Variants in C2orf76 observed in about 807,000 individuals in gnomAD.
C2orf76 encodes chromosome 2 open reading frame 76.
C2orf76 carries 23 observed loss-of-function variants against 16.9 expected under a neutral mutation model. The ratio of observed to expected loss-of-function variants is 1.36; its 90% CI spans 0.98 to 1.93. C2orf76 has a LOEUF of 1.93. Ranked by LOEUF, C2orf76 falls within the 30% of genes most tolerant of loss-of-function variation. C2orf76 has a pLI of 0.00. For synonymous variants in C2orf76, 48 were observed against 52.3 expected, an observed-to-expected ratio of 0.92 and a Z score of 0.35; for missense variants, 152 against 152.6, an observed-to-expected ratio of 1.00 and a Z score of 0.02.
intron 5 of C2orf76, among the ~76,000 whole-genome samples, chr2:119,308,288 T>C (rs1383260778): frequency 1.3e-5 from 2 of 152,236 alleles, no homozygotes; most frequent in Non-Finnish European, 1.5e-5. Context: ...TTTTGGCGTA[T>C]GATCTTTTCT....
At chr2:119,285,706 T>C in the C2orf76 span, among the ~76,000 whole-genome samples, 1 of 152,240 alleles carries the variant, frequency 6.6e-6, no homozygotes, top group Non-Finnish European at 1.5e-5. Context: ...CTGAGTTACC[T>C]GGATATTATT....
intron 4 of C2orf76, among the ~76,000 whole-genome samples, chr2:119,312,554 G>A (rs1167515775): frequency 6.6e-6 from 1 of 152,092 alleles, no homozygotes; most frequent in Non-Finnish European, 1.5e-5. Flanking sequence ...CTGGCCACAA[G>A]TATACTTCAA....
At chr2:119,340,864 T>C (rs1188400032) in intron 1 of C2orf76, among the ~76,000 whole-genome samples, 1 of 152,036 alleles carries the variant, frequency 6.6e-6, no homozygotes, top group Admixed American at 6.6e-5. Context: ...CCAATGTTTT[T>C]TTCATGCTTA....
intron 2 of C2orf76, among the ~76,000 whole-genome samples, chr2:119,334,941 G>A (rs569596779): frequency 6.6e-6 from 1 of 152,168 alleles, no homozygotes; most frequent in Non-Finnish European, 1.5e-5. Flanking sequence ...TTCCCATGGG[G>A]ATACACTGCT....
chr2:119,301,918 TAAAA>T (rs34452099), downstream of C2orf76, among the ~76,000 whole-genome samples: 3 of 138,896 alleles, frequency 2.2e-5, no homozygotes, highest in Non-Finnish European at 4.7e-5. Flanking sequence ...TGCAATACTT[TAAAA>T]AAAAAAAAAA....
At chr2:119,364,605 A>G (rs1217022663) in intron 1 of C2orf76, among the ~76,000 whole-genome samples, 1 of 152,238 alleles carries the variant, frequency 6.6e-6, no homozygotes, top group Non-Finnish European at 1.5e-5. Flanking sequence ...CTGATACACA[A>G]TGACCCCATC....
chr2:119,292,453 T>C, the C2orf76 span, among the ~76,000 whole-genome samples: 4 of 152,156 alleles, frequency 2.6e-5, no homozygotes, highest in Admixed American at 1.3e-4. Context: ...AAAAGAACTG[T>C]CAGCCGCATG....
chr2:119,364,098 G>A (rs1408182096), intron 1 of C2orf76, among the ~76,000 whole-genome samples: 1 of 151,888 alleles, frequency 6.6e-6, no homozygotes, highest in Non-Finnish European at 1.5e-5. Context: ...GAGAGAGGTA[G>A]GGCAGAGAGA....
rs1286580823 is a variant in C2orf76 at position 119,366,801 on chromosome 2, G to C, written c.-24C>G. On this transcript the variant is annotated 5_prime_UTR_variant, in exon 1 of 6. Transcript: ENST00000334816. ...TCCGTTGTCCCCACCTGTTCCCGGC[G>C]TCCCCTTCGGCTACTCCCGGCGTTT... 5.2e-6 allele frequency: 3 copies of C among 575,482 alleles called. No individual in the cohort carries two copies. In the African/African-American group the frequency reaches 5.8e-5, roughly 11 times the overall value. 35.6% of individuals were successfully genotyped at this position (575,482 alleles called of 1,614,324 possible).
rs545727959 is a variant in C2orf76, at chr2:119,314,366, C to G, written c.223-2663G>C. On this transcript the variant is annotated intron_variant, in intron 4 of 5. Transcript: ENST00000334816. Reference sequence around the variant, plus strand: ...CATCTATGGGTTTAATTTTTTAATCCAAGGGGTATTTATTTTGGCATAAAG... The same window carrying G: ...CATCTATGGGTTTAATTTTTTAATCGAAGGGGTATTTATTTTGGCATAAAG... Among the ~76,000 whole-genome samples, 8 of 152,036 alleles carry G rather than the reference C, an allele frequency of 5.3e-5. 1 individual carries two copies. In the South Asian group the frequency reaches 1.7e-3, roughly 32 times the overall value.
At chr2:119,296,866 C>T in the C2orf76 span, among the ~76,000 whole-genome samples, 1 of 152,208 alleles carries the variant, frequency 6.6e-6, no homozygotes. Flanking sequence ...TGTCTCTTGG[C>T]TGTGGTTGAC....
chr2:119,309,179 A>G (rs1304962238), intron 5 of C2orf76, among the ~76,000 whole-genome samples: 1 of 152,124 alleles, frequency 6.6e-6, no homozygotes, highest in African/African-American at 2.4e-5. Context: ...AGCATGAGCC[A>G]CTGCACCTGG....
downstream of C2orf76, among the ~76,000 whole-genome samples, chr2:119,300,253 G>A (rs1008321196): frequency 3.3e-5 from 5 of 152,090 alleles, no homozygotes; most frequent in African/African-American, 1.2e-4. Flanking sequence ...CGGAACGCAC[G>A]ATCACATGGT....
intron 2 of C2orf76, among the ~76,000 whole-genome samples, chr2:119,332,684 G>A (rs181893040): frequency 1.3e-5 from 2 of 152,272 alleles, no homozygotes; most frequent in Non-Finnish European, 2.9e-5. Flanking sequence ...CCGCTCTGTT[G>A]TTTTACTCTC....
chr2:119,344,941 G>A (rs1445125968), intron 1 of C2orf76, among the ~76,000 whole-genome samples: 1 of 152,110 alleles, frequency 6.6e-6, no homozygotes, highest in East Asian at 1.9e-4. Context: ...TTAATAAATG[G>A]CATTGAGAAA....
the C2orf76 span, among the ~76,000 whole-genome samples, chr2:119,289,680 G>A: frequency 4.9e-5 from 7 of 143,890 alleles, 1 homozygote; most frequent in East Asian, 3.9e-4. Context: ...GTGAGACTCC[G>A]TCTCAAGAAA....
At chr2:119,312,936 G>A (rs1425474524) in intron 4 of C2orf76, among the ~76,000 whole-genome samples, 1 of 151,790 alleles carries the variant, frequency 6.6e-6, no homozygotes. Context: ...GCTGAGGCAG[G>A]AGAATGGCAT....
At chr2:119,342,381 C>T (rs911056466) in intron 1 of C2orf76, among the ~76,000 whole-genome samples, 1 of 151,974 alleles carries the variant, frequency 6.6e-6, no homozygotes, top group Non-Finnish European at 1.5e-5. Flanking sequence ...GAGGCCGAGG[C>T]GGAAGGATCA....
intron 1 of C2orf76, among the ~76,000 whole-genome samples, chr2:119,346,356 T>C (rs1357275630): frequency 6.6e-6 from 1 of 152,216 alleles, no homozygotes; most frequent in Non-Finnish European, 1.5e-5. Flanking sequence ...AGCATATCCA[T>C]GTGTAATGCC....
Sources: gnomAD v4.1 joint callset for allele counts (sites outside exome capture counted in the v4.1 genomes callset) on GRCh38, gnomAD v4.1.1 for gene constraint, MANE v1.5 for transcripts, NCBI Gene and HGNC (gene_info 2026-07-23, HGNC 2026-07-21) for gene names.